EXOC4: variants seen among roughly 807,000 people sequenced by gnomAD.
EXOC4 encodes SEC8-like 1.
Under a neutral mutation model 107.2 loss-of-function variants are expected in EXOC4, and 71 were observed. The observed-to-expected ratio is 0.66, with a 90% CI of 0.55 to 0.81. EXOC4 has a LOEUF of 0.81. Among genes scored for constraint, EXOC4 ranks in the 30% least tolerant of loss-of-function variants. EXOC4 has a pLI of 0.00. For missense variants in EXOC4, 1,108 were observed against 1,189.6 expected (o/e 0.93, Z 1.01); for synonymous variants, 456 against 441.2 (o/e 1.03, Z -0.42).
At chr7:133,258,619 A>T (rs1388530457) in intron 1 of EXOC4, among the ~76,000 whole-genome samples, 1 of 152,176 alleles carries the variant, frequency 6.6e-6, no homozygotes, top group East Asian at 1.9e-4. Flanking sequence ...CCTTTCTAGG[A>T]TCTGTAGCCT....
At chr7:134,048,191 T>C (rs1388214616) in intron 17 of EXOC4, among the ~76,000 whole-genome samples, 1 of 152,204 alleles carries the variant, frequency 6.6e-6, no homozygotes, top group Admixed American at 6.5e-5. Context: ...TAAGCACTGA[T>C]CTTAGGTTTA....
chr7:133,451,864 A>G (rs748204983), intron 7 of EXOC4, among the ~76,000 whole-genome samples: 64 of 152,184 alleles, frequency 4.2e-4, no homozygotes, highest in Non-Finnish European at 8.7e-4. Context: ...GAAAGAGGTC[A>G]ATGATTTTGA....
intron 11 of EXOC4, among the ~76,000 whole-genome samples, chr7:133,845,399 TTATAC>T (rs1320502318): frequency 1.4e-5 from 2 of 147,196 alleles, no homozygotes; most frequent in Non-Finnish European, 3.0e-5. Context: ...AATATACATA[TTATAC>T]TATATTTTAT....
intron 7 of EXOC4, among the ~76,000 whole-genome samples, chr7:133,453,113 T>C (rs1345938): frequency 0.28 from 41,922 of 152,114 alleles, 6,013 homozygotes; most frequent in South Asian, 0.4. Context: ...AAGAAAAATC[T>C]GTAGACTGTG....
intron 10 of EXOC4, among the ~76,000 whole-genome samples, chr7:133,642,172 TC>T (rs1445974083): frequency 6.6e-6 from 1 of 152,190 alleles, no homozygotes. Context: ...TTCTTTTTTT[TC>T]CAGCAAATAC....
intron 11 of EXOC4, among the ~76,000 whole-genome samples, chr7:133,853,839 C>A (rs1798292114): frequency 6.6e-6 from 1 of 152,200 alleles, no homozygotes; most frequent in South Asian, 2.1e-4. Context: ...GAAGAACTTG[C>A]TGGTTCCTGT....
At chr7:134,100,044 T>C in the EXOC4 span, among the ~76,000 whole-genome samples, 6 of 152,306 alleles carry the variant, frequency 3.9e-5, no homozygotes, top group East Asian at 1.2e-3. Context: ...CCTGGTTCTT[T>C]GGGTCTTCAT....
At chr7:133,775,429 G>A (rs946108639) in intron 10 of EXOC4, among the ~76,000 whole-genome samples, 3 of 152,154 alleles carry the variant, frequency 2.0e-5, no homozygotes, top group African/African-American at 4.8e-5. Flanking sequence ...CTGCGAACAC[G>A]TGACCTTCTT....
chr7:133,579,925 G>T (rs1011149853), intron 9 of EXOC4, among the ~76,000 whole-genome samples: 1 of 152,098 alleles, frequency 6.6e-6, no homozygotes, highest in African/African-American at 2.4e-5. Flanking sequence ...TTGATCTCTT[G>T]ACCTTGTGAT....
downstream of EXOC4, among the ~76,000 whole-genome samples, chr7:134,066,957 C>T (rs1426044175): frequency 6.6e-6 from 1 of 151,930 alleles, no homozygotes; most frequent in East Asian, 1.9e-4. Flanking sequence ...TCGAGACCAG[C>T]CTGGCCAACA....
chr7:133,737,626 T>C (rs1585112997), intron 10 of EXOC4, among the ~76,000 whole-genome samples: 1 of 152,134 alleles, frequency 6.6e-6, no homozygotes, highest in East Asian at 1.9e-4. Flanking sequence ...GAAGATGGCT[T>C]GTGGCTGATT....
chr7:133,359,568 C>G (rs1442056395), intron 6 of EXOC4, among the ~76,000 whole-genome samples: 2 of 152,086 alleles, frequency 1.3e-5, no homozygotes, highest in African/African-American at 4.8e-5. Flanking sequence ...TTTTCTCCCC[C>G]ACCCTCCAGT....
the EXOC4 span, among the ~76,000 whole-genome samples, chr7:134,075,762 G>GGT: frequency 2.6e-5 from 4 of 152,026 alleles, no homozygotes; most frequent in Non-Finnish European, 5.9e-5. Flanking sequence ...TGAGTAGAAG[G>GGT]GTGTCACTTC....
chr7:133,496,571 G>T (rs948692796), intron 9 of EXOC4, among the ~76,000 whole-genome samples: 12 of 152,148 alleles, frequency 7.9e-5, no homozygotes, highest in African/African-American at 2.9e-4. Context: ...TTTCTTACTA[G>T]AAATCACCTA....
chr7:133,429,417 T>A (rs1326042533), intron 7 of EXOC4, among the ~76,000 whole-genome samples: 1 of 152,252 alleles, frequency 6.6e-6, no homozygotes, highest in African/African-American at 2.4e-5. Context: ...CCATAATTTT[T>A]AATTTTTTAA....
chr7:133,705,509 A>G (rs979213582), intron 10 of EXOC4, among the ~76,000 whole-genome samples: 8 of 152,154 alleles, frequency 5.3e-5, no homozygotes, highest in South Asian at 4.1e-4. Context: ...CTTATCCACA[A>G]TTTTGCTATC....
chr7:133,525,198 A>G (rs1343695754), intron 9 of EXOC4, among the ~76,000 whole-genome samples: 1 of 152,110 alleles, frequency 6.6e-6, no homozygotes, highest in East Asian at 1.9e-4. Context: ...GACTCCTGAT[A>G]TTGTGTTTGC....
intron 9 of EXOC4, among the ~76,000 whole-genome samples, chr7:133,615,414 C>T (rs1802171678): frequency 2.6e-5 from 4 of 152,174 alleles, no homozygotes; most frequent in African/African-American, 9.7e-5. Context: ...GTATAACACA[C>T]ATACAAAATA....
intron 10 of EXOC4, among the ~76,000 whole-genome samples, chr7:133,651,817 T>C (rs183991429): frequency 1.3e-5 from 2 of 152,092 alleles, no homozygotes; most frequent in African/African-American, 2.4e-5. Context: ...CCCAAATAAC[T>C]GGGATTACAG....
Sources: allele counts gnomAD v4.1 joint callset (sites outside exome capture counted in the v4.1 genomes callset), GRCh38; gene constraint gnomAD v4.1.1; transcripts MANE v1.5; gene names NCBI Gene and HGNC (gene_info 2026-07-23, HGNC 2026-07-21).